The following PMFBP1 variants were observed in gnomAD, a reference collection of about 807,000 sequenced individuals.
PMFBP1 encodes the protein polyamine-modulated factor 1-binding protein 1.
In PMFBP1, 131 loss-of-function variants were observed where a neutral mutation model predicts 137.8. The ratio of observed to expected loss-of-function variants is 0.95; its 90% CI spans 0.82 to 1.10. The LOEUF (loss-of-function observed/expected upper bound fraction) is 1.10, where lower values mean the gene tolerates loss of function less well. Ranked by LOEUF, PMFBP1 falls within the 50% of genes least tolerant of loss-of-function variation. The pLI is 0.00. For missense variants in PMFBP1, 1,199 were observed against 1,175.4 expected, an observed-to-expected ratio of 1.02 and a Z score of -0.29; for synonymous variants, 490 against 450.4, an observed-to-expected ratio of 1.09 and a Z score of -1.11.
the PMFBP1 span, among the ~76,000 whole-genome samples, chr16:72,217,538 T>G: frequency 6.6e-6 from 1 of 152,188 alleles, no homozygotes; most frequent in South Asian, 2.1e-4. Context: ...TAATCTGGAT[T>G]AACAACACTT....
At chr16:72,177,894 A>G (rs550360199), upstream of PMFBP1, among the ~76,000 whole-genome samples, 50 of 151,410 alleles carry the variant, frequency 3.3e-4, no homozygotes, top group African/African-American at 9.9e-4. Flanking sequence ...AATTTGCCTG[A>G]TTTTTTTTTC....
intron 5 of PMFBP1, among the ~76,000 whole-genome samples, chr16:72,146,665 C>A (rs1304946160): frequency 6.6e-6 from 1 of 152,204 alleles, no homozygotes; most frequent in African/African-American, 2.4e-5. Context: ...TGATAAACAA[C>A]TTCAGCAAAG....
At chr16:72,123,794 AC>A in intron 17 of PMFBP1, 145 bp from the exon 18 acceptor site, 1 of 651,436 alleles carries the variant, frequency 1.5e-6, no homozygotes, top group Non-Finnish European at 2.6e-6. Flanking sequence ...TGGAGTTGCC[AC>A]CAGACCTCCC....
At chr16:72,178,665 C>T (rs1028982476), upstream of PMFBP1, among the ~76,000 whole-genome samples, 1 of 152,144 alleles carries the variant, frequency 6.6e-6, no homozygotes, top group East Asian at 1.9e-4. Context: ...CAGCTTTGGC[C>T]AATGGGCCAA....
chr16:72,123,526 C>T lies in PMFBP1; in HGVS notation c.2693+20G>A. 6.2e-7 allele frequency: 1 copy of T among 1,611,522 alleles called. No homozygotes were observed. Among genetic ancestry groups the T allele is most frequent in the Non-Finnish European group, 8.5e-7 (1 of 1,178,090 alleles). On this transcript the variant is annotated intron_variant, in intron 18 of 20. Coordinates refer to ENST00000237353, the MANE Select transcript of PMFBP1 (RefSeq NM_031293.3). ...AGTCCAGGCCTCGGACCCTGCCTCCCTTTTTCCTCCCATACTCACTTCTGC... is the reference window on the plus strand; with the variant it reads ...AGTCCAGGCCTCGGACCCTGCCTCCTTTTTTCCTCCCATACTCACTTCTGC...
chr16:72,226,541 G>C, the PMFBP1 span, among the ~76,000 whole-genome samples: 1 of 152,102 alleles, frequency 6.6e-6, no homozygotes, highest in African/African-American at 2.4e-5. Context: ...AAAGGATACA[G>C]ACACATTGCC....
At chr16:72,227,911 T>C in the PMFBP1 span, among the ~76,000 whole-genome samples, 1 of 152,318 alleles carries the variant, frequency 6.6e-6, no homozygotes, top group East Asian at 1.9e-4. Flanking sequence ...TGTTATCACA[T>C]TCTTATTATT....
chr16:72,187,374 G>C, the PMFBP1 span, among the ~76,000 whole-genome samples: 1 of 152,158 alleles, frequency 6.6e-6, no homozygotes, highest in African/African-American at 2.4e-5. Flanking sequence ...TCAAGTCATA[G>C]GGATGGGGAA....
the PMFBP1 span, among the ~76,000 whole-genome samples, chr16:72,209,611 T>C: frequency 6.6e-6 from 1 of 152,100 alleles, no homozygotes; most frequent in Non-Finnish European, 1.5e-5. Context: ...CTTCTCAATT[T>C]TTTCTAAAAT....
Position 72,143,495 on chromosome 16 carries a change from C to A in PMFBP1, c.637-2913G>T, listed in dbSNP as rs1260457364. ...TGGTGGCTTGCACCTGTAATCCCAG[C>A]ACTTTGGGAGGCTGAGGTGGGAAGA... On this transcript the variant is annotated intron_variant, in intron 5 of 20. Transcript: ENST00000237353. 3.9e-5 allele frequency among the ~76,000 whole-genome samples: 6 copies of A among 152,340 alleles called. No homozygotes were observed. In the East Asian group the frequency reaches 9.6e-4, roughly 24 times the overall value.
chr16:72,205,558 C>T, the PMFBP1 span, among the ~76,000 whole-genome samples: 22 of 152,300 alleles, frequency 1.4e-4, no homozygotes, highest in African/African-American at 4.3e-4. Flanking sequence ...TTTGCTAGCT[C>T]TCCATACACA....
At chr16:72,194,114 G>C in the PMFBP1 span, among the ~76,000 whole-genome samples, 2 of 151,906 alleles carry the variant, frequency 1.3e-5, no homozygotes, top group Admixed American at 1.3e-4. Context: ...CTTAAGGTTG[G>C]GGAATGTGCA....
chr16:72,132,844 C>A lies in PMFBP1; in HGVS notation c.1351G>T (p.Asp451Tyr), dbSNP rs761470750. 1.9e-5 allele frequency: 31 copies of A among 1,614,094 alleles called. No individual in the cohort carries two copies. Among genetic ancestry groups the A allele is most frequent in the Middle Eastern group, 1.6e-4 (1 of 6,084 alleles). The change falls in exon 10 of 21, where the codon GAC becomes TAC. Residue 451 changes from aspartate (D) to tyrosine (Y), a missense_variant. Transcript: ENST00000237353. The part of the protein sequence containing the change: ...LEMTVKEAKQ[D>Y]KSKEAECKAL... ...TTGCACTCCGCCTCCTTGGACTTGT[C>A]CTGCTTAGCCTCCTTGACTGTCATT... is the stretch of plus-strand genomic sequence containing the variant.
intron 2 of PMFBP1, among the ~76,000 whole-genome samples, chr16:72,166,594 G>A (rs1175684288): frequency 1.3e-5 from 2 of 152,216 alleles, no homozygotes; most frequent in Admixed American, 1.3e-4. Flanking sequence ...GCATGGAAGA[G>A]GGGGAAGCAG....
intron 5 of PMFBP1, among the ~76,000 whole-genome samples, chr16:72,140,879 T>C (rs80224795): frequency 0.015 from 2,223 of 151,942 alleles, 19 homozygotes; most frequent in Non-Finnish European, 0.023. Context: ...TTCAGGAATA[T>C]TTTATGCATA....
chr16:72,173,943 C>T (rs1352451449), upstream of PMFBP1: 7 of 152,266 alleles, frequency 4.6e-5, no homozygotes, highest in Non-Finnish European at 7.3e-5. Flanking sequence ...CTGCCTCTTG[C>T]GTCTCTGTTG....
upstream of PMFBP1, among the ~76,000 whole-genome samples, chr16:72,179,996 C>T (rs778525664): frequency 6.6e-6 from 1 of 152,158 alleles, no homozygotes; most frequent in Non-Finnish European, 1.5e-5. Context: ...CCACTGGCTG[C>T]AGATACCTAT....
chr16:72,171,174 T>C (rs766980496), intron 2 of PMFBP1, 23 bp downstream of exon 2: 2 of 1,610,352 alleles, frequency 1.2e-6, no homozygotes, highest in South Asian at 1.1e-5. Context: ...ACTCCATGCA[T>C]GTAGAGGAGT....
chr16:72,154,185 T>G, intron 4 of PMFBP1, 26 bp downstream of exon 4: 3 of 1,607,460 alleles, frequency 1.9e-6, no homozygotes, highest in Non-Finnish European at 2.6e-6. Context: ...GAATGTGGGT[T>G]ATTTCCATGG....
Sources: gnomAD v4.1 joint callset for allele counts (sites outside exome capture counted in the v4.1 genomes callset) on GRCh38, gnomAD v4.1.1 for gene constraint, MANE v1.5 for transcripts, NCBI Gene and HGNC (gene_info 2026-07-23, HGNC 2026-07-21) for gene names.